The following STARD9 variants were observed in gnomAD, a reference collection of about 807,000 sequenced individuals.
STARD9 encodes StAR related lipid transfer domain containing 9.
In STARD9, 346 loss-of-function variants were observed where a neutral mutation model predicts 399.8. That is an observed-to-expected ratio of 0.87 (90% confidence interval 0.79 to 0.95). The LOEUF (loss-of-function observed/expected upper bound fraction) is 0.95, where lower values mean the gene tolerates loss of function less well. Ranked by LOEUF, STARD9 falls within the 40% of genes least tolerant of loss-of-function variation. The pLI is 0.00. For synonymous variants in STARD9, 2,203 were observed against 2,143.5 expected, an observed-to-expected ratio of 1.03 and a Z score of -0.77; for missense variants, 5,832 against 5,667.5, an observed-to-expected ratio of 1.03 and a Z score of -0.93.
intron 3 of STARD9, among the ~76,000 whole-genome samples, chr15:42,590,791 ACT>A (rs2058378412): frequency 6.6e-6 from 1 of 152,048 alleles, no homozygotes; most frequent in African/African-American, 2.4e-5. Flanking sequence ...GAGGGAGGCC[ACT>A]CTCTTAAACA....
In STARD9 at chr15:42,695,810, C is replaced by T. The variant is rs1006668013; in HGVS notation, c.13214C>T (p.Ser4405Leu). The T allele has an allele frequency of 3.9e-6, 6 of 1,537,224 alleles. No homozygotes were observed. Among genetic ancestry groups the T allele is most frequent in the East Asian group, 2.4e-5 (1 of 40,916 alleles). Residue 4405 changes from serine (S) to leucine (L), a missense_variant, in exon 26 of 33, where the codon TCG becomes TTG. Ser to Leu is a moderately radical substitution (Grantham distance 145). Coordinates refer to ENST00000290607, the MANE Select transcript of STARD9 (RefSeq NM_020759.3). ...TGCACCAGCTCTAATGGAAGCCTCT[C>T]GTCTGGCATGACCTCTGGCTATAAT... is the stretch of plus-strand genomic sequence containing the variant. ...SLCTSSNGSL[S>L]SGMTSGYNSS...
intron 26 of STARD9, among the ~76,000 whole-genome samples, chr15:42,703,172 G>A (rs993773859): frequency 2.6e-5 from 4 of 152,114 alleles, no homozygotes; most frequent in East Asian, 1.9e-4. Context: ...ATTATATGCC[G>A]TGGAGTAGTC....
rs753661806 is a variant in STARD9 at position 42,685,339 on chromosome 15, T to C, written c.3761T>C (p.Leu1254Pro). 1 of 1,537,350 alleles carries C rather than the reference T, an allele frequency of 6.5e-7. No homozygotes were observed. Among genetic ancestry groups the C allele is most frequent in the South Asian group, 1.2e-5 (1 of 84,048 alleles). The change falls in exon 23 of 33, where the codon CTT (leucine) becomes CCT (proline). Residue 1254 changes from leucine (L) to proline (P), a missense_variant. Coordinates refer to ENST00000290607, the MANE Select transcript of STARD9 (RefSeq NM_020759.3). Reference sequence around the variant, plus strand: ...ATGGACCAAGAGGCAATATGCAGGCTTGGTCCCATCAACTACAGAACAGCA... The same window carrying C: ...ATGGACCAAGAGGCAATATGCAGGCCTGGTCCCATCAACTACAGAACAGCA... ...PVMDQEAICR[L>P]GPINYRTAAR...
Position 42,693,643 on chromosome 15 carries a change from A to T in STARD9, c.12065A>T (p.His4022Leu). The T allele has an allele frequency of 6.5e-7, 1 of 1,537,274 alleles. No homozygotes were observed. Among genetic ancestry groups the T allele is most frequent in the Non-Finnish European group, 8.7e-7 (1 of 1,146,916 alleles). The change falls in exon 23 of 33, where the codon CAC becomes CTC. Residue 4022 changes from histidine to leucine, a missense_variant. By Grantham distance (99) the His-to-Leu change is moderately conservative. Coordinates refer to ENST00000290607, the MANE Select transcript of STARD9 (RefSeq NM_020759.3). ...AGACTGCTGCCACCACCACTGAGGC[A>T]CAGGAGCCAAAGGCTGGGCAACAGC... The part of the protein sequence containing the change: ...QSRLLPPPLR[H>L]RSQRLGNSFV...
intron 13 of STARD9, 80 bp from the exon 14 acceptor site, chr15:42,665,173 C>G: frequency 8.6e-7 from 1 of 1,157,734 alleles, no homozygotes; most frequent in Non-Finnish European, 1.2e-6. Context: ...TCTACCTCTT[C>G]CCAGCCAATT....
chr15:42,593,680 T>C (rs1028953707), intron 3 of STARD9, among the ~76,000 whole-genome samples: 1 of 139,012 alleles, frequency 7.2e-6, no homozygotes, highest in Non-Finnish European at 1.6e-5. Context: ...TTTTTTTTTT[T>C]TGAGACAGAG....
At chr15:42,605,002 C>T (rs1442919926) in intron 3 of STARD9, among the ~76,000 whole-genome samples, 2 of 152,100 alleles carry the variant, frequency 1.3e-5, no homozygotes, top group Non-Finnish European at 2.9e-5. Flanking sequence ...GACATTTCTT[C>T]TTAAATCTTG....
chr15:42,598,000 A>ATG (rs572054615), intron 3 of STARD9, among the ~76,000 whole-genome samples: 4,422 of 115,108 alleles, frequency 0.038, 179 homozygotes, highest in Admixed American at 0.12. Flanking sequence ...GTATATATAT[A>ATG]TGTGTGTGTG....
At chr15:42,642,472 G>T (rs1373434592) in intron 7 of STARD9, among the ~76,000 whole-genome samples, 1 of 152,210 alleles carries the variant, frequency 6.6e-6, no homozygotes, top group Non-Finnish European at 1.5e-5. Context: ...TTTTACTGTG[G>T]CCTTTATTTT....
At chr15:42,581,435 G>A in intron 1 of STARD9, 1 of 1,527,902 alleles carries the variant, frequency 6.5e-7, no homozygotes, top group Admixed American at 1.7e-5. Flanking sequence ...CGGTGTGGGT[G>A]GGGAAGGCGC....
At chr15:42,584,309 C>A (rs1283961048) in intron 2 of STARD9, among the ~76,000 whole-genome samples, 1 of 152,184 alleles carries the variant, frequency 6.6e-6, no homozygotes, top group African/African-American at 2.4e-5. Context: ...GGGGACCTAC[C>A]AGACTTTCAA....
At chr15:42,702,685 G>C (rs1172262116) in intron 26 of STARD9, among the ~76,000 whole-genome samples, 1 of 152,178 alleles carries the variant, frequency 6.6e-6, no homozygotes, top group African/African-American at 2.4e-5. Context: ...TCAGATTGAA[G>C]AAGTGCCTTT....
chr15:42,650,499 G>A (rs1049804969), intron 7 of STARD9, among the ~76,000 whole-genome samples: 5 of 152,158 alleles, frequency 3.3e-5, no homozygotes, highest in Non-Finnish European at 7.3e-5. Context: ...TCCTGACCAC[G>A]CCTCTGATCT....
chr15:42,617,136 G>A (rs888323320), intron 3 of STARD9, among the ~76,000 whole-genome samples: 3 of 152,124 alleles, frequency 2.0e-5, no homozygotes, highest in African/African-American at 4.8e-5. Context: ...AGTAAGAGCC[G>A]TGCCCAGCAC....
intron 7 of STARD9, among the ~76,000 whole-genome samples, chr15:42,642,780 A>G (rs1384251094): frequency 1.3e-5 from 2 of 152,164 alleles, no homozygotes; most frequent in Non-Finnish European, 1.5e-5. Context: ...AACTGTAGTG[A>G]AGGACCAGTT....
chr15:42,688,575 A>G lies in STARD9; in HGVS notation c.6997A>G (p.Asn2333Asp), dbSNP rs2060616304. 6.5e-7 allele frequency: 1 copy of G among 1,537,738 alleles called. No individual in the cohort carries two copies. Among genetic ancestry groups the G allele is most frequent in the South Asian group, 1.2e-5 (1 of 84,058 alleles). ...AGCTCCTCTTCACCAAGACCTGAGT[A>G]ATACCTTGCCCTTGAATTCTCCAAG... ...CTAPLHQDLSNTLPLNSPRWP... is the reference protein window; with the variant it reads ...CTAPLHQDLSDTLPLNSPRWP... Residue 2333 changes from asparagine to aspartate, a missense_variant, in exon 23 of 33, where the codon AAT (asparagine) becomes GAT (aspartate). By Grantham distance (23) the Asn-to-Asp change is conservative. This residue lies in a region of STARD9 where 5,828 missense variants were observed against 5,651.1 expected (regional missense o/e 1.03). Coordinates refer to ENST00000290607, the MANE Select transcript of STARD9 (RefSeq NM_020759.3).
In STARD9 at chr15:42,693,469, G is replaced by A; in HGVS notation, c.11891G>A (p.Gly3964Asp). The A allele has an allele frequency of 6.5e-7, 1 of 1,537,238 alleles. No individual in the cohort carries two copies. The highest frequency in any genetic ancestry group is 8.7e-7 in the Non-Finnish European group (1 of 1,146,916). ...TTDELGGSQR[G>D]RSSLQRSNGR... Reference sequence around the variant, plus strand: ...GACGAGTTAGGTGGCTCCCAGAGAGGTAGAAGTTCCTTACAAAGGAGTAAT... The same window carrying A: ...GACGAGTTAGGTGGCTCCCAGAGAGATAGAAGTTCCTTACAAAGGAGTAAT... The change falls in exon 23 of 33, where the codon GGT (glycine) becomes GAT (aspartate). Residue 3964 changes from glycine (G) to aspartate (D), a missense_variant. Physicochemically the swap from Gly to Asp is moderately conservative, Grantham distance 94. Transcript: ENST00000290607.
chr15:42,623,655 C>T (rs1206650244), intron 3 of STARD9, among the ~76,000 whole-genome samples: 1 of 152,148 alleles, frequency 6.6e-6, no homozygotes, highest in African/African-American at 2.4e-5. Flanking sequence ...TGGCTTTGTT[C>T]GTGTTTACCT....
intron 3 of STARD9, among the ~76,000 whole-genome samples, chr15:42,588,703 G>A (rs1189549581): frequency 1.3e-5 from 2 of 148,860 alleles, no homozygotes. Context: ...GGTAAGAAAG[G>A]TGGAATCTAT....
Sources: allele counts gnomAD v4.1 joint callset (sites outside exome capture counted in the v4.1 genomes callset), GRCh38; gene constraint gnomAD v4.1.1; regional missense constraint gnomAD v4.1.1; transcripts MANE v1.5; gene names NCBI Gene and HGNC (gene_info 2026-07-23, HGNC 2026-07-21).